DMD: variants seen among roughly 807,000 people sequenced by gnomAD.
DMD encodes mutant dystrophin.
A neutral mutation model predicts 330.1 loss-of-function variants in DMD; 63 were observed. That is an observed-to-expected ratio of 0.19 (90% CI 0.16 to 0.24). DMD has a LOEUF of 0.24. Among genes scored for constraint, DMD ranks in the 10% least tolerant of loss-of-function variants. The pLI is 1.00. For synonymous variants in DMD, 1,223 were observed against 959.8 expected (o/e 1.27, Z -5.07); for missense variants, 3,344 against 2,684.1 (o/e 1.25, Z -5.43).
chrX:32,160,012 G>A (rs1022985415), intron 44 of DMD, among the ~76,000 whole-genome samples: 1 of 111,164 alleles, frequency 9.0e-6, no homozygotes, highest in Non-Finnish European at 1.9e-5. Flanking sequence ...GGAAGCTACT[G>A]AAGGATTTTA....
intron 67 of DMD, among the ~76,000 whole-genome samples, chrX:31,193,801 T>C (rs571742059): frequency 9.0e-6 from 1 of 111,074 alleles, no homozygotes; most frequent in Admixed American, 9.6e-5. Context: ...CCAAAAAATG[T>C]TAACATTAAT....
intron 44 of DMD, among the ~76,000 whole-genome samples, chrX:32,085,701 C>T (rs754505250): frequency 4.2e-5 from 3 of 71,327 alleles, no homozygotes; most frequent in African/African-American, 1.7e-4. Context: ...CGTATATATA[C>T]ACACGCGTAT....
intron 55 of DMD, among the ~76,000 whole-genome samples, chrX:31,583,106 T>G (rs2076414285): frequency 8.9e-6 from 1 of 112,398 alleles, no homozygotes; most frequent in Non-Finnish European, 1.9e-5. Context: ...CACTACTCAG[T>G]ACACCCTACC....
chrX:31,588,787 C>T (rs763018498), intron 55 of DMD, among the ~76,000 whole-genome samples: 6 of 109,762 alleles, frequency 5.5e-5, no homozygotes, highest in South Asian at 4.0e-4. Context: ...TTCCCTACTT[C>T]GGTGAAGGTT....
intron 59 of DMD, among the ~76,000 whole-genome samples, chrX:31,451,626 G>A (rs1368064204): frequency 4.5e-5 from 5 of 110,369 alleles, no homozygotes; most frequent in Non-Finnish European, 9.5e-5. Context: ...ACACTATGGG[G>A]CTATTTCATA....
chrX:31,977,843 C>T (rs763436812), intron 44 of DMD, among the ~76,000 whole-genome samples: 3 of 106,651 alleles, frequency 2.8e-5, no homozygotes, highest in Admixed American at 1.0e-4. Flanking sequence ...ATTATCAGTA[C>T]ATTGTACAAT....
intron 2 of DMD, among the ~76,000 whole-genome samples, chrX:32,934,611 T>A (rs769522632): frequency 1.8e-5 from 2 of 112,032 alleles, no homozygotes; most frequent in Non-Finnish European, 3.8e-5. Flanking sequence ...TTTCCCTTTG[T>A]GTAATGTGAT....
chrX:32,164,084 C>T (rs1418150216), intron 44 of DMD, among the ~76,000 whole-genome samples: 1 of 111,081 alleles, frequency 9.0e-6, no homozygotes, highest in Non-Finnish European at 1.9e-5. Context: ...CATAAAATAT[C>T]AATTTTGGCT....
At chrX:32,068,921 T>C (rs16998257) in intron 44 of DMD, among the ~76,000 whole-genome samples, 9,215 of 111,142 alleles carry the variant, frequency 0.083, 333 homozygotes, top group African/African-American at 0.12. Flanking sequence ...TTGGAACATA[T>C]TGACCTGACA....
chrX:32,516,517 T>C (rs1325614713), intron 18 of DMD: 1 of 111,671 alleles, frequency 9.0e-6, no homozygotes, highest in African/African-American at 3.3e-5. Context: ...AAATTTATAT[T>C]CCTGAAATAC....
At chrX:32,995,306 G>A (rs2093089602) in intron 2 of DMD, among the ~76,000 whole-genome samples, 1 of 111,924 alleles carries the variant, frequency 8.9e-6, no homozygotes, top group South Asian at 3.7e-4. Context: ...TTTAAATAAT[G>A]TACATAGAAA....
rs763879583 is a variant in DMD at position 31,702,203 on chromosome X, A to G, written c.7661-22617T>C. ...GCTATTCCCTAGGGGTCTCCCTTTG[A>G]TCTTTTTGTTTTCACTTTACATATT... On this transcript the variant is annotated intron_variant, in intron 52 of 78. Coordinates refer to ENST00000357033, the MANE Select transcript of DMD (RefSeq NM_004006.3). 2.5e-4 allele frequency among the ~76,000 whole-genome samples: 28 copies of G among 111,459 alleles called. No individual in the cohort carries two copies. In the South Asian group the frequency reaches 0.011, roughly 42 times the overall value.
At position 32,349,274 on chromosome X, in the gene DMD, T is replaced by C. The variant is rs142128926; in HGVS notation, c.5326-746A>G. ...GTGAAAAGACATGGAAAATCAAATA[T>C]ATATTCAAAAAAGTGGGCAAGGTTT... is the stretch of plus-strand genomic sequence containing the variant. On this transcript the variant is annotated intron_variant, in intron 37 of 78. Coordinates refer to ENST00000357033, the MANE Select transcript of DMD (RefSeq NM_004006.3). Among the ~76,000 whole-genome samples the C allele has an allele frequency of 3.4e-3, 380 of 111,300 alleles. 1 individual carries two copies. The highest frequency in any genetic ancestry group is 6.1e-3 in the Non-Finnish European group (321 of 52,787).
rs1386514421 is a variant in DMD at position 31,121,734 on chromosome X, C to CA, written c.*184dup. The CA allele has an allele frequency of 1.6e-5, 11 of 683,764 alleles. No individual in the cohort carries two copies. The highest frequency in any genetic ancestry group is 1.2e-4 in the Admixed American group (5 of 40,695). The allele number at this position is 683,764 out of a possible 1,213,427, so 56.3% of individuals were successfully genotyped here. On this transcript the variant is annotated 3_prime_UTR_variant, in exon 79 of 79. Transcript: ENST00000357033. ...TACAGTATAATACCACTACCCTTCACAAAAATATAGATTTATTTCTTGTAA... is the reference window on the plus strand; with the variant it reads ...TACAGTATAATACCACTACCCTTCACAAAAAATATAGATTTATTTCTTGTAA...
chrX:31,871,402 A>T (rs1312412965), intron 48 of DMD, among the ~76,000 whole-genome samples: 1 of 110,967 alleles, frequency 9.0e-6, no homozygotes, highest in Non-Finnish European at 1.9e-5. Context: ...GCTTTTTTTT[A>T]TCTGGGTTTC....
At chrX:31,508,436 T>G in intron 55 of DMD, 2 of 357,350 alleles carry the variant, frequency 5.6e-6, no homozygotes, top group East Asian at 9.5e-5. Flanking sequence ...TAGCCAGGCG[T>G]GTGGATGTGG....
chrX:32,839,387 CT>C (rs967640957), intron 4 of DMD, among the ~76,000 whole-genome samples: 1 of 111,927 alleles, frequency 8.9e-6, no homozygotes, highest in Non-Finnish European at 1.9e-5. Flanking sequence ...CTATGTATCT[CT>C]TTTTTATTCA....
At position 31,121,438 on chromosome X, in the gene DMD, G is replaced by GTGTATGTATGTGTGTGTGTGTGTA. The variant is rs3833413; in HGVS notation, c.*480_*481insTACACACACACACACATACATACA. 7.8e-6 allele frequency: 1 copy of GTGTATGTATGTGTGTGTGTGTGTA among 128,507 alleles called. No individual in the cohort carries two copies. 10.6% of individuals were successfully genotyped at this position (128,507 alleles called of 1,213,427 possible). A position where few individuals can be genotyped will look rare whatever the true frequency, so the allele number is the denominator to read the frequency against. On this transcript the variant is annotated 3_prime_UTR_variant, in exon 79 of 79. Coordinates refer to ENST00000357033, the MANE Select transcript of DMD (RefSeq NM_004006.3). ...CTGCCTCAAAGTTTTGTGTGTGTGTGTGTATGTGTGTGTGTGTGTGTTTGT... is the reference window on the plus strand; with the variant it reads ...CTGCCTCAAAGTTTTGTGTGTGTGTGTGTATGTATGTGTGTGTGTGTGTATGTATGTGTGTGTGTGTGTGTTTGT...
At chrX:31,197,910 A>G (rs1310322491) in intron 67 of DMD, among the ~76,000 whole-genome samples, 1 of 110,756 alleles carries the variant, frequency 9.0e-6, no homozygotes, top group Non-Finnish European at 1.9e-5. Context: ...TTCAGCCATA[A>G]AAAATGAAAT....
Sources: allele counts gnomAD v4.1 joint callset (sites outside exome capture counted in the v4.1 genomes callset), GRCh38; gene constraint gnomAD v4.1.1; transcripts MANE v1.5; gene names NCBI Gene and HGNC (gene_info 2026-07-23, HGNC 2026-07-21).